Variants in RUFY3 observed in about 807,000 individuals in gnomAD.
The protein encoded by RUFY3 is RUN and FYVE domain containing 3, also known as protein RUFY3.
Under a neutral mutation model 84.0 loss-of-function variants are expected in RUFY3, and 34 were observed. That is an observed-to-expected ratio of 0.40 (90% CI 0.31 to 0.54). The LOEUF (loss-of-function observed/expected upper bound fraction) is 0.54, where lower values mean the gene tolerates loss of function less well. RUFY3 is among the 20% of genes least tolerant of loss of function. RUFY3 has a pLI of 0.39. For missense variants in RUFY3, 507 were observed against 736.8 expected (o/e 0.69, Z 3.61); for synonymous variants, 242 against 252.9 (o/e 0.96, Z 0.41).
At chr4:70,767,257 G>GT (rs1213309164) in intron 4 of RUFY3, among the ~76,000 whole-genome samples, 63 of 68,948 alleles carry the variant, frequency 9.1e-4, no homozygotes, top group African/African-American at 2.6e-3. Flanking sequence ...GGCTAATTTT[G>GT]TATTTTTTTT....
At chr4:70,801,340 A>C (rs926802630) in intron 15 of RUFY3, among the ~76,000 whole-genome samples, 6 of 152,252 alleles carry the variant, frequency 3.9e-5, no homozygotes, top group East Asian at 1.9e-4. Flanking sequence ...GTGAACCTTA[A>C]TGTAAACTAT....
chr4:70,773,636 C>T (rs1727357604), intron 6 of RUFY3, 64 bp downstream of exon 6: 16 of 1,119,552 alleles, frequency 1.4e-5, no homozygotes, highest in Non-Finnish European at 2.2e-5. Context: ...TTTGGTGGTA[C>T]TTAAAGTTTA....
In RUFY3 at chr4:70,783,152, A is replaced by G; in HGVS notation, c.956A>G (p.Glu319Gly). 1 of 1,609,980 alleles carries G rather than the reference A, an allele frequency of 6.2e-7. No homozygotes were observed. The stretch of plus-strand genomic sequence containing the variant: ...GAAGAAATGGAACGAGTTAAAGAGG[A>G]AAGTTCCTACATACTGGAATCCAAT... ...LQEEMERVKE[E>G]SSYILESNRK... Residue 319 changes from glutamate (E) to glycine (G), a missense_variant, in exon 9 of 18, where the codon GAA becomes GGA. Around this residue, in one of 4 missense-constraint regions of RUFY3, gnomAD observed 334 missense variants for 364.1 expected, o/e 0.92. Coordinates refer to ENST00000381006, the MANE Select transcript of RUFY3 (RefSeq NM_001037442.4).
In RUFY3 at chr4:70,750,808, A is replaced by G. The variant is rs373432059; in HGVS notation, c.179-11711A>G. On this transcript the variant is annotated intron_variant, in intron 1 of 17. Transcript: ENST00000381006. ...TATGTCTCTCTCCATAGATTTGCCT[A>G]TTCTGGGCATTTTATATAAACAAAA... is the stretch of plus-strand genomic sequence containing the variant. Among the ~76,000 whole-genome samples the G allele has an allele frequency of 1.1e-4, 17 of 152,084 alleles. No individual in the cohort carries two copies. The South Asian group carries it at 3.1e-3, about 28-fold the overall frequency.
chr4:70,750,563 C>CA (rs1421359474), intron 1 of RUFY3, among the ~76,000 whole-genome samples: 3 of 152,116 alleles, frequency 2.0e-5, no homozygotes, highest in Non-Finnish European at 4.4e-5. Flanking sequence ...TAAAGGTCAC[C>CA]ACTTTAAAGT....
chr4:70,728,720 T>C (rs1162352565), intron 1 of RUFY3, among the ~76,000 whole-genome samples: 1 of 152,198 alleles, frequency 6.6e-6, no homozygotes, highest in Non-Finnish European at 1.5e-5. Context: ...CTCTCTGTTA[T>C]CATTTTTCGG....
intron 1 of RUFY3, among the ~76,000 whole-genome samples, chr4:70,755,778 C>T (rs370949060): frequency 3.3e-5 from 5 of 152,066 alleles, no homozygotes; most frequent in South Asian, 2.1e-4. Flanking sequence ...AGTGAAACTC[C>T]GTATCTACTA....
At chr4:70,727,680 G>A (rs187949391) in intron 1 of RUFY3, among the ~76,000 whole-genome samples, 38 of 151,054 alleles carry the variant, frequency 2.5e-4, no homozygotes, top group South Asian at 1.9e-3. Context: ...CCAGCTACTC[G>A]GGAGGCTGAG....
chr4:70,800,992 C>T (rs1334045765), intron 15 of RUFY3, among the ~76,000 whole-genome samples: 2 of 152,118 alleles, frequency 1.3e-5, no homozygotes, highest in African/African-American at 2.4e-5. Flanking sequence ...TTTATCCTAA[C>T]TCTGTCTGAT....
intron 3 of RUFY3, 31 bp downstream of exon 3, chr4:70,763,700 G>A (rs1258482262): frequency 1.3e-6 from 2 of 1,596,368 alleles, no homozygotes; most frequent in South Asian, 2.3e-5. Flanking sequence ...CATTTCTCAG[G>A]AACAGCATTC....
intron 1 of RUFY3, chr4:70,734,459 A>G (rs1334852452): frequency 1.0e-6 from 1 of 985,338 alleles, no homozygotes; most frequent in African/African-American, 1.7e-5. Context: ...AGGCAGTCTC[A>G]GTGAACTTCT....
rs371708258 is a variant in RUFY3, at chr4:70,794,784, A to G, written c.1458-11A>G. The G allele has an allele frequency of 3.4e-5, 54 of 1,585,152 alleles. 1 individual carries two copies. Among genetic ancestry groups the G allele is most frequent in the East Asian group, 3.4e-4 (15 of 44,724 alleles). ...CAATTTTTCATCCTTTTCCTCTCCA[A>G]CTTACCTCAGGAACCAGCTTGAGTT... On this transcript the variant is annotated splice_polypyrimidine_tract_variant and intron_variant, in intron 13 of 17. Coordinates refer to ENST00000381006, the MANE Select transcript of RUFY3 (RefSeq NM_001037442.4).
At chr4:70,726,785 TGG>T (rs938634274) in intron 1 of RUFY3, among the ~76,000 whole-genome samples, 7 of 152,232 alleles carry the variant, frequency 4.6e-5, no homozygotes, top group Admixed American at 2.6e-4. Flanking sequence ...CATTAAGAGT[TGG>T]AATCCTCACA....
intron 12 of RUFY3, 155 bp from the exon 13 acceptor site, chr4:70,793,630 C>CA (rs1731137071): frequency 2.0e-6 from 3 of 1,490,734 alleles, no homozygotes; most frequent in East Asian, 2.5e-5. Context: ...TTTTCCCCCC[C>CA]ATAATTTCTT....
rs564411501 is a variant in RUFY3, at chr4:70,728,599, G to A, written c.178+5848G>A. On this transcript the variant is annotated intron_variant, in intron 1 of 17. Coordinates refer to ENST00000381006, the MANE Select transcript of RUFY3 (RefSeq NM_001037442.4). ...GCATATACTGCCTTTACTCTGTAAAGTGTTTCAGACAGATTTTTTTAAAAT... is the reference window on the plus strand; with the variant it reads ...GCATATACTGCCTTTACTCTGTAAAATGTTTCAGACAGATTTTTTTAAAAT... Among the ~76,000 whole-genome samples the A allele has an allele frequency of 2.6e-5, 4 of 152,290 alleles. No individual in the cohort carries two copies. The South Asian group carries it at 8.3e-4, about 32-fold the overall frequency.
rs1403311989 is a variant in RUFY3, at chr4:70,792,826, G to A, written c.1338-959G>A. On this transcript the variant is annotated intron_variant, in intron 12 of 17. Coordinates refer to ENST00000381006, the MANE Select transcript of RUFY3 (RefSeq NM_001037442.4). Reference sequence around the variant, plus strand: ...TGTTTAGACCAACTTCATGGAAGTGGAAGATCCTGTGCTCTTGAACTTATT... The same window carrying A: ...TGTTTAGACCAACTTCATGGAAGTGAAAGATCCTGTGCTCTTGAACTTATT... 7 of 985,278 alleles carry A rather than the reference G, an allele frequency of 7.1e-6. No individual in the cohort carries two copies. In the Admixed American group the frequency reaches 4.3e-4, roughly 61 times the overall value. 61.0% of individuals were successfully genotyped at this position (985,278 alleles called of 1,614,324 possible).
At chr4:70,766,152 G>C (rs145640418) in intron 4 of RUFY3, among the ~76,000 whole-genome samples, 156 of 152,254 alleles carry the variant, frequency 1.0e-3, no homozygotes, top group African/African-American at 3.7e-3. Flanking sequence ...TTTACCCCCA[G>C]GTAACTTGTT....
chr4:70,795,157 TTAAG>T (rs1206740075), intron 14 of RUFY3, among the ~76,000 whole-genome samples: 14 of 152,344 alleles, frequency 9.2e-5, no homozygotes, highest in Admixed American at 3.3e-4. Flanking sequence ...TAATAATTTT[TTAAG>T]TAAGATTATT....
In RUFY3 at chr4:70,762,599, G is replaced by T; in HGVS notation, c.259G>T (p.Ala87Ser). The T allele has an allele frequency of 6.2e-7, 1 of 1,613,982 alleles. No homozygotes were observed. Among genetic ancestry groups the T allele is most frequent in the Non-Finnish European group, 8.5e-7 (1 of 1,179,928 alleles). Reference protein sequence around the residue: ...KLSIKGLIESALNLGRTLDSD... With the variant: ...KLSIKGLIESSLNLGRTLDSD... ...GAGTATCAAGGGCTTGATTGAATCA[G>T]CTCTGAACCTGGGGAGGACTCTTGA... Residue 87 changes from alanine (A) to serine (S), a missense_variant, in exon 2 of 18, where the codon GCT becomes TCT. Transcript: ENST00000381006.
Sources: gnomAD v4.1 joint callset for allele counts (sites outside exome capture counted in the v4.1 genomes callset) on GRCh38, gnomAD v4.1.1 for gene constraint, gnomAD v4.1.1 regional missense constraint, MANE v1.5 for transcripts, NCBI Gene and HGNC (gene_info 2026-07-23, HGNC 2026-07-21) for gene names.